Variants in AVIL observed in about 807,000 individuals in gnomAD.
AVIL encodes the protein advillin.
In AVIL, 78 loss-of-function variants were observed where a neutral mutation model predicts 109.9. The ratio of observed to expected loss-of-function variants is 0.71; its 90% CI spans 0.59 to 0.86. The LOEUF (loss-of-function observed/expected upper bound fraction) is 0.86, where lower values mean the gene tolerates loss of function less well. Among genes scored for constraint, AVIL ranks in the 40% least tolerant of loss-of-function variants. The pLI is 0.00. For synonymous variants in AVIL, 367 were observed against 379.1 expected, an observed-to-expected ratio of 0.97 and a Z score of 0.37; for missense variants, 892 against 1,016.5, an observed-to-expected ratio of 0.88 and a Z score of 1.67.
rs66731427 is a variant in AVIL at position 57,818,182 on chromosome 12, C to CTTTTTTTTTTTTTTTTTTT, written c.-20+428_-20+446dup. Among the ~76,000 whole-genome samples the CTTTTTTTTTTTTTTTTTTT allele has an allele frequency of 7.9e-4, 28 of 35,270 alleles. 6 individuals carry two copies. Among genetic ancestry groups the CTTTTTTTTTTTTTTTTTTT allele is most frequent in the Non-Finnish European group, 1.3e-3 (24 of 18,988 alleles). 23.1% of individuals were successfully genotyped at this position (35,270 alleles called of 152,430 possible). A position where few individuals can be genotyped will look rare whatever the true frequency, so the allele number is the denominator to read the frequency against. On this transcript the variant is annotated intron_variant, in intron 1 of 19. Coordinates refer to ENST00000549994, the MANE Select transcript of AVIL (RefSeq NM_006576.4). ...CACAGGTGTGCACCACCATGCTTGG[C>CTTTTTTTTTTTTTTTTTTT]TTTTTTTTTTTTTTTTTTTTTTTTT...
At chr12:57,805,060 T>C (rs1565832305) in intron 14 of AVIL, among the ~76,000 whole-genome samples, 1 of 152,142 alleles carries the variant, frequency 6.6e-6, no homozygotes, top group Non-Finnish European at 1.5e-5. Context: ...TTTTAGTGCA[T>C]TTTATTTTAT....
intron 3 of AVIL, among the ~76,000 whole-genome samples, 168 bp from the exon 4 acceptor site, chr12:57,813,591 C>G (rs193092298): frequency 2.6e-5 from 4 of 152,346 alleles, no homozygotes; most frequent in Admixed American, 2.6e-4. Flanking sequence ...GACCTGCGAT[C>G]ATGGCATAAA....
chr12:57,797,394 C>G lies in AVIL; in HGVS notation c.*488G>C. On this transcript the variant is annotated 3_prime_UTR_variant, in exon 20 of 20. Coordinates refer to ENST00000549994, the MANE Select transcript of AVIL (RefSeq NM_006576.4). ...AACTCCATTTGTTCATTATAGGTAT[C>G]TTTATTTGAAAAGTGAAAAATGCTT... 1 of 985,352 alleles carries G rather than the reference C, an allele frequency of 1.0e-6. No homozygotes were observed. The highest frequency in any genetic ancestry group is 1.1e-4 in the East Asian group (1 of 8,822). The allele number at this position is 985,352 out of a possible 1,614,324, so 61.0% of individuals were successfully genotyped here.
chr12:57,807,900 T>TGA (rs1234653421), intron 11 of AVIL, 173 bp from the exon 12 acceptor site: 5 of 980,680 alleles, frequency 5.1e-6, no homozygotes, highest in Non-Finnish European at 7.9e-6. Context: ...ATTTGAATCG[T>TGA]GAGATGAACT....
chr12:57,802,881 C>G (rs1955878357), intron 16 of AVIL: 1 of 540,412 alleles, frequency 1.9e-6, no homozygotes, highest in Non-Finnish European at 3.2e-6. Context: ...CACAGTAGCT[C>G]TTACTTGACC....
chr12:57,818,182 C>CTGTTTTTTTTTTTTTTTTT (rs1956119948), intron 1 of AVIL, among the ~76,000 whole-genome samples: 1 of 35,256 alleles, frequency 2.8e-5, no homozygotes, highest in Non-Finnish European at 5.3e-5. Flanking sequence ...CCATGCTTGG[C>CTGTTTTTTTTTTTTTTTTT]TTTTTTTTTT....
intron 14 of AVIL, chr12:57,806,133 CTT>C (rs372846869): frequency 9.2e-3 from 1,303 of 141,600 alleles, no homozygotes; most frequent in South Asian, 0.024. Context: ...CCGTGCCCAG[CTT>C]TTTTTTTTTT....
intron 2 of AVIL, chr12:57,815,653 G>A (rs1956093275): frequency 5.2e-6 from 7 of 1,343,132 alleles, no homozygotes; most frequent in Non-Finnish European, 3.9e-6. Context: ...GCTGCCAGGA[G>A]TCTGCTGAGT....
chr12:57,810,248 G>T, intron 7 of AVIL, 101 bp downstream of exon 7: 1 of 1,286,738 alleles, frequency 7.8e-7, no homozygotes, highest in South Asian at 1.4e-5. Context: ...AAACCAGATG[G>T]CTACACCCAA....
Position 57,810,531 on chromosome 12 carries a change from A to G in AVIL, c.579T>C (p.Asp193=). 6.2e-7 allele frequency: 1 copy of G among 1,613,726 alleles called. No homozygotes were observed. Among genetic ancestry groups the G allele is most frequent in the Non-Finnish European group, 8.5e-7 (1 of 1,180,024 alleles). The change falls in exon 7 of 20, where the codon GAT becomes GAC. Residue 193 remains aspartate, a synonymous_variant. Coordinates refer to ENST00000549994, the MANE Select transcript of AVIL (RefSeq NM_006576.4). The part of the protein sequence containing the change: ...ERLKAMLLAK[D]IRDRERGGRA... Reference sequence around the variant, plus strand: ...GGCCCCCTCGCTCCCTGTCTCGAATATCCTTTGCCAGAAGCATAGCCTGTC... The same window carrying G: ...GGCCCCCTCGCTCCCTGTCTCGAATGTCCTTTGCCAGAAGCATAGCCTGTC...
intron 17 of AVIL, 31 bp downstream of exon 17, chr12:57,802,129 A>G: frequency 1.9e-6 from 3 of 1,609,848 alleles, no homozygotes; most frequent in Non-Finnish European, 2.5e-6. Flanking sequence ...ACCTGGCAGG[A>G]AGTTAGAGCT....
In AVIL at chr12:57,799,777, G is replaced by A; in HGVS notation, c.2346+18C>T. 1 of 1,613,486 alleles carries A rather than the reference G, an allele frequency of 6.2e-7. No homozygotes were observed. Among genetic ancestry groups the A allele is most frequent in the African/African-American group, 1.3e-5 (1 of 75,040 alleles). On this transcript the variant is annotated intron_variant, in intron 19 of 19. Coordinates refer to ENST00000549994, the MANE Select transcript of AVIL (RefSeq NM_006576.4). ...GAGAGCTCCACTTCCAACAGACACA[G>A]TTCCTTCAGCCACTCACCTCCTTTT...
At chr12:57,816,741 TAAACTC>T (rs1456387371) in intron 1 of AVIL, among the ~76,000 whole-genome samples, 6 of 132,952 alleles carry the variant, frequency 4.5e-5, no homozygotes, top group African/African-American at 8.2e-5. Flanking sequence ...AAACTATTCT[TAAACTC>T]AAACAACCCT....
chr12:57,810,103 A>G (rs953140809), intron 7 of AVIL, among the ~76,000 whole-genome samples: 2 of 152,232 alleles, frequency 1.3e-5, no homozygotes, highest in African/African-American at 4.8e-5. Context: ...TCCCTTCCAC[A>G]TCCCTGGGCA....
At position 57,809,900 on chromosome 12, in the gene AVIL, G is replaced by A. The variant is rs777186198; in HGVS notation, c.762-10C>T. On this transcript the variant is annotated splice_polypyrimidine_tract_variant and intron_variant, in intron 7 of 19. Transcript: ENST00000549994. ...AGCTGAATCTGAGATACTGGAGAAG[G>A]GGAGAGGTTAGCCTGTGCCTTTTCC... 8 of 1,613,790 alleles carry A rather than the reference G, an allele frequency of 5.0e-6. No homozygotes were observed. Among genetic ancestry groups the A allele is most frequent in the Non-Finnish European group, 6.8e-6 (8 of 1,179,844 alleles).
intron 19 of AVIL, 131 bp downstream of exon 19, chr12:57,799,664 G>A (rs1442780042): frequency 3.8e-6 from 5 of 1,331,318 alleles, no homozygotes; most frequent in Middle Eastern, 2.7e-4. Context: ...TTTGGTTTGA[G>A]TTCCTAGGTA....
chr12:57,797,971 C>CA lies in AVIL; in HGVS notation c.2370dup (p.Val791CysfsTer67). The CA allele has an allele frequency of 2.5e-6, 4 of 1,612,684 alleles. No homozygotes were observed. Among genetic ancestry groups the CA allele is most frequent in the Non-Finnish European group, 3.4e-6 (4 of 1,179,236 alleles). On this transcript the variant is annotated frameshift_variant, in exon 20 of 20. Transcript: ENST00000549994. LOFTEE classifies it high-confidence loss of function. Reference sequence around the variant, plus strand: ...CCTCTTGTGATGCCAAACACAGACACAAAGTCCTGTTCAGAGAGGTAATTC... The same window carrying CA: ...CCTCTTGTGATGCCAAACACAGACACAAAAGTCCTGTTCAGAGAGGTAATTC...
In AVIL at chr12:57,799,783, T is replaced by G. The variant is rs189534162; in HGVS notation, c.2346+12A>C. The G allele has an allele frequency of 8.6e-4, 1,380 of 1,613,700 alleles. 9 individuals carry two copies. Among genetic ancestry groups the G allele is most frequent in the Middle Eastern group, 1.7e-4 (1 of 6,056 alleles). On this transcript the variant is annotated intron_variant, in intron 19 of 19. Coordinates refer to ENST00000549994, the MANE Select transcript of AVIL (RefSeq NM_006576.4). ...TCCACTTCCAACAGACACAGTTCCT[T>G]CAGCCACTCACCTCCTTTTTGGCAG...
intron 19 of AVIL, among the ~76,000 whole-genome samples, chr12:57,799,509 AG>A (rs771184876): frequency 4.6e-5 from 7 of 152,236 alleles, no homozygotes; most frequent in South Asian, 2.1e-4. Context: ...TTGTAGGAAC[AG>A]GTGGAAACCA....
Sources: gnomAD v4.1 joint callset for allele counts (sites outside exome capture counted in the v4.1 genomes callset) on GRCh38, gnomAD v4.1.1 for gene constraint, MANE v1.5 for transcripts, NCBI Gene and HGNC (gene_info 2026-07-23, HGNC 2026-07-21) for gene names.